The following OSBPL5 variants were observed in gnomAD, a reference collection of about 807,000 sequenced individuals.
The protein encoded by OSBPL5 is oxysterol-binding protein-related protein 5.
Under a neutral mutation model 111.2 loss-of-function variants are expected in OSBPL5, and 71 were observed. That is an observed-to-expected ratio of 0.64 (90% CI 0.53 to 0.78). OSBPL5 has a LOEUF of 0.78. Among genes scored for constraint, OSBPL5 ranks in the 30% least tolerant of loss-of-function variants. The pLI, the probability that OSBPL5 is intolerant of heterozygous loss-of-function variation, is 0.00. For missense variants in OSBPL5, 1,210 were observed against 1,189.3 expected, an observed-to-expected ratio of 1.02 and a Z score of -0.26; for synonymous variants, 549 against 513.9, an observed-to-expected ratio of 1.07 and a Z score of -0.93.
At chr11:3,097,771 A>G (rs1857323627) in intron 14 of OSBPL5, among the ~76,000 whole-genome samples, 1 of 152,200 alleles carries the variant, frequency 6.6e-6, no homozygotes, top group Admixed American at 6.5e-5. Context: ...CACGAGTATA[A>G]AAAGAACAGG....
chr11:3,104,897 C>T lies in OSBPL5; in HGVS notation c.1060-520G>A, dbSNP rs938281515. Reference sequence around the variant, plus strand: ...GAAGCCTTCAGATATTGAATGTGGACAACTGGGTGAGTTTGGAGGTGAGCC... The same window carrying T: ...GAAGCCTTCAGATATTGAATGTGGATAACTGGGTGAGTTTGGAGGTGAGCC... On this transcript the variant is annotated intron_variant, in intron 9 of 21. Transcript: ENST00000263650. The surrounding 1 kb of genome is among the most constrained non-coding windows in gnomAD (Gnocchi z 5.0). 2.0e-5 allele frequency among the ~76,000 whole-genome samples: 3 copies of T among 152,188 alleles called. No homozygotes were observed. The highest frequency in any genetic ancestry group is 4.4e-5 in the Non-Finnish European group (3 of 68,038).
chr11:3,108,037 A>G (rs558128590), intron 7 of OSBPL5, 92 bp from the exon 8 acceptor site: 212 of 1,482,440 alleles, frequency 1.4e-4, no homozygotes, highest in Middle Eastern at 7.2e-4. Flanking sequence ...CCTCACTCTG[A>G]CTCTTCAGGG....
chr11:3,104,115 G>A lies in OSBPL5; in HGVS notation c.1244+78C>T. The A allele has an allele frequency of 6.1e-6, 9 of 1,472,404 alleles. No homozygotes were observed. Among genetic ancestry groups the A allele is most frequent in the Non-Finnish European group, 8.3e-6 (9 of 1,088,842 alleles). The allele number at this position is 1,472,404 out of a possible 1,614,324, so 91.2% of individuals were successfully genotyped here. A position where few individuals can be genotyped will look rare whatever the true frequency, so the allele number is the denominator to read the frequency against. On this transcript the variant is annotated intron_variant, in intron 10 of 21. Transcript: ENST00000263650. This position sits in a 1 kb window ranked among gnomAD's most constrained non-coding sequence, Gnocchi z 5.0. ...TTCTCTGGAAGCCCCCACAGGGCAG[G>A]TAGGGGCTGGGGGTGCTGCAGGGTC...
rs563956336 is a variant in OSBPL5 at position 3,133,986 on chromosome 11, G to A, written c.-21-4817C>T. On this transcript the variant is annotated intron_variant, in intron 1 of 21. Transcript: ENST00000263650. ...GGGGAAGAAGGCGGGGCTTGGTGGG[G>A]GGGGGGTCACTAGATGTATGTGGTC... Among the ~76,000 whole-genome samples the A allele has an allele frequency of 8.5e-5, 11 of 130,010 alleles. No homozygotes were observed. The South Asian group carries it at 2.3e-3, about 27-fold the overall frequency. 85.3% of individuals were successfully genotyped at this position (130,010 alleles called of 152,430 possible).
At position 3,126,498 on chromosome 11, in the gene OSBPL5, G is replaced by A; in HGVS notation, c.194C>T (p.Pro65Leu). Residue 65 changes from proline to leucine, a missense_variant, in exon 3 of 22, where the codon CCA becomes CTA. Coordinates refer to ENST00000263650, the MANE Select transcript of OSBPL5 (RefSeq NM_020896.4). This position sits in a 1 kb window ranked among gnomAD's most constrained non-coding sequence, Gnocchi z 6.5. ...CGGTGGCACCTTCGTGGCAGAGCTT[G>A]GGGTCGGGGGCCCTTCATCCCTGGG... ...SLPRDEGPPT[P>L]SSATKVPPAE... 6.2e-7 allele frequency: 1 copy of A among 1,609,790 alleles called. No homozygotes were observed. The highest frequency in any genetic ancestry group is 8.5e-7 in the Non-Finnish European group (1 of 1,178,742).
At chr11:3,091,503 T>G (rs893119682) in intron 19 of OSBPL5, among the ~76,000 whole-genome samples, 1 of 148,948 alleles carries the variant, frequency 6.7e-6, no homozygotes, top group South Asian at 2.2e-4. Flanking sequence ...GGCTGCGGGG[T>G]GGGAGGCTGC....
chr11:3,091,195 C>T (rs149370348), intron 19 of OSBPL5, among the ~76,000 whole-genome samples: 103 of 152,386 alleles, frequency 6.8e-4, no homozygotes, highest in African/African-American at 2.2e-3. Flanking sequence ...CCCAGGAGTG[C>T]AGGCAGGGCT....
At chr11:3,138,516 C>T (rs1846014212) in intron 1 of OSBPL5, among the ~76,000 whole-genome samples, 1 of 152,236 alleles carries the variant, frequency 6.6e-6, no homozygotes, top group Non-Finnish European at 1.5e-5. Flanking sequence ...GACGCAATCT[C>T]AAACCCGCCA....
Position 3,154,449 on chromosome 11 carries a change from G to C in OSBPL5, c.-22+10767C>G, listed in dbSNP as rs1267178187. 2.6e-5 allele frequency among the ~76,000 whole-genome samples: 4 copies of C among 152,232 alleles called. No homozygotes were observed. The South Asian group carries it at 6.2e-4, about 24-fold the overall frequency. The stretch of plus-strand genomic sequence containing the variant: ...CCTGCTGACGCTTCGTTCACCAAGC[G>C]GGGGGCCTCTACAGCTCGCCCAGGT... On this transcript the variant is annotated intron_variant, in intron 1 of 21. Transcript: ENST00000263650. The surrounding 1 kb of genome is among the most constrained non-coding windows in gnomAD (Gnocchi z 4.9).
In OSBPL5 at chr11:3,107,310, G is replaced by A. The variant is rs139424841; in HGVS notation, c.1012C>T (p.Arg338Trp). 1.0e-4 allele frequency: 162 copies of A among 1,613,446 alleles called. No individual in the cohort carries two copies. The East Asian group carries it at 2.7e-3, about 27-fold the overall frequency. The change falls in exon 9 of 22, where the codon CGG becomes TGG. Residue 338 changes from arginine to tryptophan, a missense_variant. Physicochemically the swap from Arg to Trp is moderately radical, Grantham distance 101. Transcript: ENST00000263650. This position sits in a 1 kb window ranked among gnomAD's most constrained non-coding sequence, Gnocchi z 6.1. Reference sequence around the variant, plus strand: ...TGCTCCACATAGGTGGTCCCTCTCCGCACCGGGGCCCCAGGGGTCTCTGAC... The same window carrying A: ...TGCTCCACATAGGTGGTCCCTCTCCACACCGGGGCCCCAGGGGTCTCTGAC... Reference protein sequence around the residue: ...DQSETPGAPVRRGTTYVEQVQ... With the variant: ...DQSETPGAPVWRGTTYVEQVQ...
chr11:3,129,143 C>G lies in OSBPL5; in HGVS notation c.6G>C (p.Lys2Asn). 7 of 1,455,448 alleles carry G rather than the reference C, an allele frequency of 4.8e-6. No individual in the cohort carries two copies. The South Asian group carries it at 8.3e-5, about 17-fold the overall frequency. 90.2% of individuals were successfully genotyped at this position (1,455,448 alleles called of 1,614,324 possible). A position where few individuals can be genotyped will look rare whatever the true frequency, so the allele number is the denominator to read the frequency against. Residue 2 changes from lysine to asparagine, a missense_variant, in exon 2 of 22, where the codon AAG (lysine) becomes AAC (asparagine). Coordinates refer to ENST00000263650, the MANE Select transcript of OSBPL5 (RefSeq NM_020896.4). ...AGCGGCGCCGGAGGAAGGCCTCCTC[C>G]TTCATGCTGTGGGCGCTCGGGGGCT... is the stretch of plus-strand genomic sequence containing the variant. M[K>N]EEAFLRRRFS...
At chr11:3,164,966 G>T (rs1847074618) in intron 1 of OSBPL5, among the ~76,000 whole-genome samples, 1 of 143,394 alleles carries the variant, frequency 7.0e-6, no homozygotes, top group African/African-American at 2.5e-5. Context: ...GCGCCGACCC[G>T]TCCTGGCCCG....
rs1176643981 is a variant in OSBPL5, at chr11:3,130,855, C to T, written c.-21-1686G>A. 6.6e-6 allele frequency among the ~76,000 whole-genome samples: 1 copy of T among 152,102 alleles called. No homozygotes were observed. The highest frequency in any genetic ancestry group is 1.5e-5 in the Non-Finnish European group (1 of 68,022). On this transcript the variant is annotated intron_variant, in intron 1 of 21. Transcript: ENST00000263650. The surrounding 1 kb of genome is among the most constrained non-coding windows in gnomAD (Gnocchi z 4.5). ...AATCACAACAAACACGTCCTACTTG[C>T]CCAGGTGCAGCTCAGGATGGGAACC... is the stretch of plus-strand genomic sequence containing the variant.
At chr11:3,099,468 T>C (rs1481162572) in intron 14 of OSBPL5, among the ~76,000 whole-genome samples, 1 of 152,176 alleles carries the variant, frequency 6.6e-6, no homozygotes, top group African/African-American at 2.4e-5. Flanking sequence ...GGAAACTGTG[T>C]AGGGGACACA....
In OSBPL5 at chr11:3,119,643, G is replaced by C; in HGVS notation, c.607-12C>G. 3.2e-6 allele frequency: 5 copies of C among 1,579,430 alleles called. No individual in the cohort carries two copies. Among genetic ancestry groups the C allele is most frequent in the Non-Finnish European group, 3.4e-6 (4 of 1,166,188 alleles). Reference sequence around the variant, plus strand: ...TCACCTTTGGGGCCCTGGAGAGAGAGAGATCTGGGTGTCACCCGAGGCAAC... The same window carrying C: ...TCACCTTTGGGGCCCTGGAGAGAGACAGATCTGGGTGTCACCCGAGGCAAC... On this transcript the variant is annotated splice_polypyrimidine_tract_variant and intron_variant, in intron 6 of 21. Transcript: ENST00000263650.
chr11:3,137,303 C>T (rs1304188689), intron 1 of OSBPL5, among the ~76,000 whole-genome samples: 8 of 152,212 alleles, frequency 5.3e-5, no homozygotes, highest in African/African-American at 2.4e-5. Flanking sequence ...GCAGGAGCAG[C>T]AGCCTCTTCA....
chr11:3,129,151 T>C lies in OSBPL5; in HGVS notation c.-3A>G, dbSNP rs906210064. 2.1e-6 allele frequency: 3 copies of C among 1,432,322 alleles called. No individual in the cohort carries two copies. Among genetic ancestry groups the C allele is most frequent in the African/African-American group, 3.0e-5 (2 of 67,756 alleles). The allele number at this position is 1,432,322 out of a possible 1,614,324, so 88.7% of individuals were successfully genotyped here. A position where few individuals can be genotyped will look rare whatever the true frequency, so the allele number is the denominator to read the frequency against. ...CGGAGGAAGGCCTCCTCCTTCATGCTGTGGGCGCTCGGGGGCTTCTGGAAG... is the reference window on the plus strand; with the variant it reads ...CGGAGGAAGGCCTCCTCCTTCATGCCGTGGGCGCTCGGGGGCTTCTGGAAG... On this transcript the variant is annotated 5_prime_UTR_variant, in exon 2 of 22. Coordinates refer to ENST00000263650, the MANE Select transcript of OSBPL5 (RefSeq NM_020896.4).
At chr11:3,101,383 G>A (rs1206733733) in intron 13 of OSBPL5, among the ~76,000 whole-genome samples, 8 of 152,126 alleles carry the variant, frequency 5.3e-5, no homozygotes, top group Non-Finnish European at 1.2e-4. Flanking sequence ...TCCCCACAGC[G>A]TCCCTACAAA....
chr11:3,100,037 A>AAT, intron 14 of OSBPL5, 121 bp downstream of exon 14: 3 of 775,918 alleles, frequency 3.9e-6, no homozygotes, highest in Non-Finnish European at 6.0e-6. Flanking sequence ...AAAAAAAAAA[A>AAT]GTCATGGGCA....
Sources: allele counts gnomAD v4.1 joint callset (sites outside exome capture counted in the v4.1 genomes callset), GRCh38; gene constraint gnomAD v4.1.1; non-coding constraint Gnocchi (gnomAD v3.1); transcripts MANE v1.5; gene names NCBI Gene and HGNC (gene_info 2026-07-23, HGNC 2026-07-21).